The following CSGALNACT1 variants were observed in gnomAD, a reference collection of about 807,000 sequenced individuals.
The protein encoded by CSGALNACT1 is chondroitin sulfate N-acetylgalactosaminyltransferase 1.
Under a neutral mutation model 51.0 loss-of-function variants are expected in CSGALNACT1, and 52 were observed. The observed-to-expected ratio is 1.02, with a 90% CI of 0.82 to 1.29. The LOEUF (loss-of-function observed/expected upper bound fraction) is 1.29. CSGALNACT1 is among the 50% of genes most tolerant of loss of function. The pLI, the probability that CSGALNACT1 is intolerant of heterozygous loss-of-function variation, is 0.00. For synonymous variants in CSGALNACT1, 341 were observed against 254.4 expected, an observed-to-expected ratio of 1.34 and a Z score of -3.24; for missense variants, 935 against 679.2, an observed-to-expected ratio of 1.38 and a Z score of -4.19.
At chr8:19,748,651 G>T (rs1187122321) in intron 1 of CSGALNACT1, among the ~76,000 whole-genome samples, 1 of 152,094 alleles carries the variant, frequency 6.6e-6, no homozygotes, top group African/African-American at 2.4e-5. Flanking sequence ...TCCATTTTAT[G>T]GATGAGAAAC....
chr8:19,445,246 G>A (rs1166120450), intron 5 of CSGALNACT1, among the ~76,000 whole-genome samples: 3 of 152,122 alleles, frequency 2.0e-5, no homozygotes, highest in African/African-American at 4.8e-5. Context: ...CCTCTGCCAC[G>A]GTAGAATACA....
At position 19,727,553 on chromosome 8, in the gene CSGALNACT1, G is replaced by C. The variant is rs2063471335; in HGVS notation, c.-297+30297C>G. On this transcript the variant is annotated intron_variant, in intron 1 of 1. Transcript: ENST00000517494. ...TTGTGTAGAGATGGGGTTTCAACATGTTGCCCAGGCTGGTCTCGAACTCCT... is the reference window on the plus strand; with the variant it reads ...TTGTGTAGAGATGGGGTTTCAACATCTTGCCCAGGCTGGTCTCGAACTCCT... Among the ~76,000 whole-genome samples the C allele has an allele frequency of 2.0e-5, 3 of 152,072 alleles. No individual in the cohort carries two copies. The South Asian group carries it at 6.2e-4, about 32-fold the overall frequency.
chr8:19,577,387 C>T (rs372593351), intron 3 of CSGALNACT1, among the ~76,000 whole-genome samples: 1 of 137,778 alleles, frequency 7.3e-6, no homozygotes, highest in Non-Finnish European at 1.5e-5. Context: ...CAACGAAGCC[C>T]GACCCCACCT....
chr8:19,461,476 C>T (rs1364830264), intron 4 of CSGALNACT1, among the ~76,000 whole-genome samples: 1 of 151,860 alleles, frequency 6.6e-6, no homozygotes, highest in Non-Finnish European at 1.5e-5. Context: ...CCACATTCAC[C>T]AAGGAGGGCC....
At chr8:19,577,401 C>CAAAAAAAAAAAAAA (rs111734132) in intron 3 of CSGALNACT1, among the ~76,000 whole-genome samples, 7 of 104,248 alleles carry the variant, frequency 6.7e-5, no homozygotes, top group African/African-American at 1.3e-4. Context: ...CCCACCTCTA[C>CAAAAAAAAAAAAAA]AAAAAAAAAA....
At chr8:19,547,381 G>C (rs2086717633) in intron 3 of CSGALNACT1, among the ~76,000 whole-genome samples, 1 of 152,178 alleles carries the variant, frequency 6.6e-6, no homozygotes, top group African/African-American at 2.4e-5. Flanking sequence ...ATCTTGAATT[G>C]TAGGTCCCTT....
chr8:19,550,232 C>A (rs1183457380), intron 3 of CSGALNACT1, among the ~76,000 whole-genome samples: 1 of 152,106 alleles, frequency 6.6e-6, no homozygotes, highest in Non-Finnish European at 1.5e-5. Context: ...GCAATTCTCC[C>A]ACCTCAGCTT....
intron 3 of CSGALNACT1, among the ~76,000 whole-genome samples, chr8:19,582,782 A>T (rs1309270426): frequency 6.6e-6 from 1 of 152,150 alleles, no homozygotes; most frequent in East Asian, 1.9e-4. Context: ...GTATCCTAGA[A>T]ATCAGTAGCC....
rs183050731 is a variant in CSGALNACT1, at chr8:19,647,624, G to A, written c.-544+34849C>T. ...GATCGGAGTTTTCTTTCAACAGAGC[G>A]GTGTATTAGGAACTCTGTAAAATTC... On this transcript the variant is annotated intron_variant, in intron 1 of 9. Transcript: ENST00000332246. Among the ~76,000 whole-genome samples the A allele has an allele frequency of 2.5e-3, 380 of 152,100 alleles. 1 individual carries two copies. Among genetic ancestry groups the A allele is most frequent in the Middle Eastern group, 6.8e-3 (2 of 294 alleles).
chr8:19,409,953 C>T (rs1459168015), intron 8 of CSGALNACT1, among the ~76,000 whole-genome samples: 4 of 152,182 alleles, frequency 2.6e-5, no homozygotes, highest in African/African-American at 7.2e-5. Flanking sequence ...TTTATCACAT[C>T]TTCCCCCTTC....
intron 3 of CSGALNACT1, among the ~76,000 whole-genome samples, chr8:19,569,553 T>G (rs747112836): frequency 1.3e-5 from 2 of 151,872 alleles, no homozygotes; most frequent in Non-Finnish European, 2.9e-5. Context: ...GAGCTAGCAC[T>G]TTTTTTTAGC....
chr8:19,738,638 T>C (rs1170941992), intron 1 of CSGALNACT1, among the ~76,000 whole-genome samples: 1 of 152,202 alleles, frequency 6.6e-6, no homozygotes, highest in East Asian at 1.9e-4. Context: ...AATTTTATAC[T>C]ATGTATATTT....
At chr8:19,752,868 G>C (rs939033645) in intron 1 of CSGALNACT1, among the ~76,000 whole-genome samples, 6 of 152,218 alleles carry the variant, frequency 3.9e-5, no homozygotes, top group African/African-American at 1.4e-4. Flanking sequence ...CTAAGTCATA[G>C]GTTCAAAACA....
Position 19,430,323 on chromosome 8 carries a change from T to C in CSGALNACT1, c.953+9507A>G, listed in dbSNP as rs144744648. On this transcript the variant is annotated intron_variant, in intron 6 of 9. Transcript: ENST00000454498. ...ATGTTTTCTCTTAAAACTTTGATAA[T>C]TATAGCTCTTACATTTAAGTCGTTG... Among the ~76,000 whole-genome samples, 481 of 152,294 alleles carry C rather than the reference T, an allele frequency of 3.2e-3. 7 individuals are homozygous for C. The South Asian group carries it at 0.038, about 12-fold the overall frequency.
In CSGALNACT1 at chr8:19,558,950, G is replaced by C. The variant is rs1478692185; in HGVS notation, c.-297+32210C>G. On this transcript the variant is annotated intron_variant, in intron 3 of 9. Transcript: ENST00000454498. ...ACTGGAAATATTCTGAACATAATTT[G>C]AACTTTCCCAAAGGAAGATCATTTC... Among the ~76,000 whole-genome samples the C allele has an allele frequency of 5.3e-5, 8 of 152,230 alleles. No homozygotes were observed. In the Middle Eastern group the frequency reaches 0.014, roughly 259 times the overall value.
intron 1 of CSGALNACT1, among the ~76,000 whole-genome samples, chr8:19,670,040 A>G (rs1367116234): frequency 6.6e-6 from 1 of 151,906 alleles, no homozygotes; most frequent in East Asian, 1.9e-4. Flanking sequence ...ACCTACTCCT[A>G]CCTACCAAAA....
chr8:19,437,016 C>A (rs184460490), intron 6 of CSGALNACT1, among the ~76,000 whole-genome samples: 6 of 151,978 alleles, frequency 3.9e-5, no homozygotes, highest in African/African-American at 1.5e-4. Flanking sequence ...TGGTGTTGTG[C>A]TAAGTGCTGG....
chr8:19,656,151 T>C (rs899460797), intron 1 of CSGALNACT1, among the ~76,000 whole-genome samples: 2 of 152,312 alleles, frequency 1.3e-5, no homozygotes, highest in African/African-American at 4.8e-5. Flanking sequence ...TTCTGACCAA[T>C]AGCAACAAAG....
At chr8:19,480,687 T>A (rs1019777196) in intron 4 of CSGALNACT1, among the ~76,000 whole-genome samples, 3 of 152,186 alleles carry the variant, frequency 2.0e-5, no homozygotes, top group African/African-American at 7.2e-5. Context: ...TCTAGTTCCC[T>A]GAGGTTCAGT....
Sources: allele counts gnomAD v4.1 joint callset (sites outside exome capture counted in the v4.1 genomes callset), GRCh38; gene constraint gnomAD v4.1.1; transcripts MANE v1.5; gene names NCBI Gene and HGNC (gene_info 2026-07-23, HGNC 2026-07-21).